UROC1: variants seen among roughly 807,000 people sequenced by gnomAD.
UROC1 encodes the protein urocanate hydratase.
A neutral mutation model predicts 89.5 loss-of-function variants in UROC1; 79 were observed. The ratio of observed to expected loss-of-function variants is 0.88; its 90% CI spans 0.74 to 1.06. UROC1 has a LOEUF of 1.06. Among genes scored for constraint, UROC1 ranks in the 50% least tolerant of loss-of-function variants. The pLI, the probability that UROC1 is intolerant of heterozygous loss-of-function variation, is 0.00. For synonymous variants in UROC1, 361 were observed against 354.8 expected, an observed-to-expected ratio of 1.02 and a Z score of -0.20; for missense variants, 885 against 907.8, an observed-to-expected ratio of 0.97 and a Z score of 0.32.
rs746191170 is a variant in UROC1 at position 126,510,767 on chromosome 3, A to T, written c.154T>A (p.Phe52Ile). 6.2e-7 allele frequency: 1 copy of T among 1,613,962 alleles called. No individual in the cohort carries two copies. The highest frequency in any genetic ancestry group is 1.3e-5 in the African/African-American group (1 of 75,062). ...QLALRNALRY[F>I]PPDVQELLAP... ...AGCAGCTCCTGGACATCCGGGGGGAAGTAGCGCAGGGCGTTCCTCAGCGCC... is the reference window on the plus strand; with the variant it reads ...AGCAGCTCCTGGACATCCGGGGGGATGTAGCGCAGGGCGTTCCTCAGCGCC... Residue 52 changes from phenylalanine to isoleucine, a missense_variant, in exon 2 of 20, where the codon TTC becomes ATC. Transcript: ENST00000290868.
Position 126,506,007 on chromosome 3 carries a change from C to A in UROC1, c.607G>T (p.Gly203Cys), listed in dbSNP as rs778320185. The A allele has an allele frequency of 1.2e-6, 2 of 1,613,358 alleles. No homozygotes were observed. The highest frequency in any genetic ancestry group is 1.7e-6 in the Non-Finnish European group (2 of 1,180,036). ...KLFALGVTMY[G>C]QMTAGSYCYI... ...CAGTAGCTACCTGCTGTCATCTGGCCGTACCTGACCACAGGGAGAGAAGCC... is the reference window on the plus strand; with the variant it reads ...CAGTAGCTACCTGCTGTCATCTGGCAGTACCTGACCACAGGGAGAGAAGCC... Residue 203 changes from glycine to cysteine, a missense_variant, in exon 7 of 20, where the codon GGC becomes TGC. Transcript: ENST00000290868.
At chr3:126,511,040 C>T (rs532700860) in intron 1 of UROC1, among the ~76,000 whole-genome samples, 5 of 152,186 alleles carry the variant, frequency 3.3e-5, no homozygotes, top group Non-Finnish European at 4.4e-5. Flanking sequence ...TTCTTGCTTA[C>T]GGTGAACCAT....
In UROC1 at chr3:126,505,687, GC is replaced by G. The variant is rs760833759; in HGVS notation, c.813+13del. ...AGGCAGGCAGGAGCGAAGGCCAGGA[GC>G]CCCCCAGCTTACCTCTGCTATCACA... On this transcript the variant is annotated intron_variant, in intron 8 of 19. Coordinates refer to ENST00000290868, the MANE Select transcript of UROC1 (RefSeq NM_144639.3). The G allele has an allele frequency of 2.6e-5, 42 of 1,613,296 alleles. No homozygotes were observed. The East Asian group carries it at 7.1e-4, about 27-fold the overall frequency.
At position 126,501,623 on chromosome 3, in the gene UROC1, G is replaced by A. The variant is rs142990227; in HGVS notation, c.903-343C>T. On this transcript the variant is annotated intron_variant, in intron 9 of 19. Transcript: ENST00000290868. ...ACCCACCCAAGGTGGTCCCAGAGTTGCAGGATTCACTAAAGATGATTCCCA... is the reference window on the plus strand; with the variant it reads ...ACCCACCCAAGGTGGTCCCAGAGTTACAGGATTCACTAAAGATGATTCCCA... Among the ~76,000 whole-genome samples the A allele has an allele frequency of 6.0e-3, 914 of 152,368 alleles. 5 individuals are homozygous for A. Among genetic ancestry groups the A allele is most frequent in the Middle Eastern group, 0.037 (11 of 294 alleles).
At chr3:126,510,833 T>A in intron 1 of UROC1, 39 bp from the exon 2 acceptor site, 2 of 1,604,788 alleles carry the variant, frequency 1.2e-6, no homozygotes. Context: ...GGGCTGGGAC[T>A]CCAGGCCCGG....
At chr3:126,491,586 G>A (rs1190049844) in intron 16 of UROC1, among the ~76,000 whole-genome samples, 4 of 152,218 alleles carry the variant, frequency 2.6e-5, no homozygotes, top group East Asian at 3.9e-4. Context: ...AATCATGCCA[G>A]GGCAGTCTTC....
chr3:126,487,534 G>A (rs536765626), intron 18 of UROC1, among the ~76,000 whole-genome samples: 21 of 152,168 alleles, frequency 1.4e-4, no homozygotes, highest in African/African-American at 9.6e-5. Context: ...CACTAGATCC[G>A]GCCAAAATAG....
At position 126,497,163 on chromosome 3, in the gene UROC1, C is replaced by T. The variant is rs145368943; in HGVS notation, c.1438+888G>A. The stretch of plus-strand genomic sequence containing the variant: ...GCTCTCCTACTCTGAGTCTGTGTAA[C>T]CTGGGCCCCTGCCCAGCCCACCGAA... On this transcript the variant is annotated intron_variant, in intron 14 of 19. Transcript: ENST00000290868. Among the ~76,000 whole-genome samples, 355 of 152,334 alleles carry T rather than the reference C, an allele frequency of 2.3e-3. 4 individuals carry two copies. The highest frequency in any genetic ancestry group is 8.2e-3 in the African/African-American group (340 of 41,570).
chr3:126,494,319 A>G (rs2693473), intron 15 of UROC1, among the ~76,000 whole-genome samples: 62,327 of 151,578 alleles, frequency 0.41, 14,224 homozygotes, highest in Middle Eastern at 0.56. Context: ...TACACCCTCA[A>G]CTCTGGCACC....
intron 15 of UROC1, 125 bp downstream of exon 15, chr3:126,495,913 A>T: frequency 1.1e-6 from 1 of 902,382 alleles, no homozygotes; most frequent in Non-Finnish European, 1.8e-6. Flanking sequence ...TTGTGTGTGC[A>T]CCCTCTCAGG....
intron 14 of UROC1, among the ~76,000 whole-genome samples, chr3:126,496,551 T>C (rs764772281): frequency 2.6e-5 from 4 of 152,278 alleles, no homozygotes; most frequent in Non-Finnish European, 5.9e-5. Flanking sequence ...GGGAACAGCC[T>C]TCCAGGCAGA....
intron 1 of UROC1, among the ~76,000 whole-genome samples, chr3:126,517,114 G>C (rs1039919597): frequency 1.3e-5 from 2 of 152,168 alleles, no homozygotes; most frequent in Admixed American, 1.3e-4. Context: ...TTAGATGAGG[G>C]GATACTGGCC....
intron 15 of UROC1, 60 bp downstream of exon 15, chr3:126,495,978 C>A (rs957011343): frequency 1.3e-6 from 2 of 1,555,316 alleles, no homozygotes; most frequent in African/African-American, 2.7e-5. Flanking sequence ...CAGCACCTCA[C>A]CTTTGGGCAG....
intron 16 of UROC1, among the ~76,000 whole-genome samples, chr3:126,490,365 T>C (rs902966337): frequency 5.9e-5 from 9 of 152,122 alleles, no homozygotes; most frequent in East Asian, 1.9e-4. Flanking sequence ...CTGACTCCCT[T>C]ATGCTGTGCA....
At chr3:126,510,899 C>T in intron 1 of UROC1, 105 bp from the exon 2 acceptor site, 1 of 1,487,762 alleles carries the variant, frequency 6.7e-7, no homozygotes, top group Non-Finnish European at 9.0e-7. Context: ...GTCTCTGCTC[C>T]ACTCAGAAGC....
intron 8 of UROC1, among the ~76,000 whole-genome samples, chr3:126,504,718 T>C (rs1405360985): frequency 1.3e-5 from 2 of 152,202 alleles, no homozygotes; most frequent in African/African-American, 4.8e-5. Flanking sequence ...TGATGTAGGT[T>C]TGGCATCAAC....
intron 11 of UROC1, 40 bp downstream of exon 11, chr3:126,500,655 C>A (rs1227347151): frequency 5.0e-6 from 8 of 1,613,470 alleles, no homozygotes; most frequent in Non-Finnish European, 6.8e-6. Flanking sequence ...GTGGTCTGCC[C>A]AGGCCAAATG....
chr3:126,495,802 A>G (rs1429771841), intron 15 of UROC1, among the ~76,000 whole-genome samples: 2 of 152,198 alleles, frequency 1.3e-5, no homozygotes, highest in South Asian at 4.2e-4. Context: ...CTCCCAGGCC[A>G]CCCTTTAAAG....
chr3:126,488,326 G>A (rs1275961937), intron 17 of UROC1, 47 bp from the exon 18 acceptor site: 3 of 1,601,150 alleles, frequency 1.9e-6, no homozygotes, highest in Non-Finnish European at 2.6e-6. Flanking sequence ...GCACTGGGTG[G>A]GCACCTGGCT....
Sources: gnomAD v4.1 joint callset for allele counts (sites outside exome capture counted in the v4.1 genomes callset) on GRCh38, gnomAD v4.1.1 for gene constraint, MANE v1.5 for transcripts, NCBI Gene and HGNC (gene_info 2026-07-23, HGNC 2026-07-21) for gene names.